The following SMYD3 variants were observed in gnomAD, a reference collection of about 807,000 sequenced individuals.
The protein encoded by SMYD3 is SET and MYND domain containing 3, also known as histone-lysine N-methyltransferase SMYD3.
Under a neutral mutation model 57.7 loss-of-function variants are expected in SMYD3, and 36 were observed. The observed-to-expected ratio is 0.62, with a 90% CI of 0.48 to 0.82. The LOEUF (loss-of-function observed/expected upper bound fraction) is 0.82. Among genes scored for constraint, SMYD3 ranks in the 40% least tolerant of loss-of-function variants. The probability of loss-of-function intolerance (pLI) is 0.00; values close to 1 mark genes in which losing one functional copy is unlikely to be tolerated. For synonymous variants in SMYD3, 211 were observed against 195.0 expected (o/e 1.08, Z -0.68); for missense variants, 515 against 538.8 (o/e 0.96, Z 0.44).
At chr1:246,033,042 A>G (rs760611562) in intron 5 of SMYD3, among the ~76,000 whole-genome samples, 1 of 152,240 alleles carries the variant, frequency 6.6e-6, no homozygotes, top group Non-Finnish European at 1.5e-5. Context: ...AGCAATTTGC[A>G]TTCCTGAGCA....
chr1:245,862,939 T>G, intron 9 of SMYD3, among the ~76,000 whole-genome samples: 1 of 152,334 alleles, frequency 6.6e-6, no homozygotes, highest in South Asian at 2.1e-4. Context: ...TTCAAAATTA[T>G]GTCCTTCACC....
chr1:246,127,023 T>G (rs2061519868), intron 5 of SMYD3, among the ~76,000 whole-genome samples: 1 of 152,184 alleles, frequency 6.6e-6, no homozygotes, highest in African/African-American at 2.4e-5. Flanking sequence ...ACCACTGCTT[T>G]GGATGCACAG....
intron 5 of SMYD3, among the ~76,000 whole-genome samples, chr1:245,957,262 T>TA (rs2057873147): frequency 6.6e-6 from 1 of 152,152 alleles, no homozygotes; most frequent in South Asian, 2.1e-4. Context: ...CCTGACTAGC[T>TA]AAAAAAAGAA....
chr1:246,152,274 G>A (rs2061952587), intron 5 of SMYD3, among the ~76,000 whole-genome samples: 1 of 152,194 alleles, frequency 6.6e-6, no homozygotes, highest in South Asian at 2.1e-4. Flanking sequence ...AGAAGTGGAG[G>A]GAAGAGAGTG....
At chr1:245,949,342 C>T (rs1195717075) in intron 5 of SMYD3, among the ~76,000 whole-genome samples, 8 of 152,156 alleles carry the variant, frequency 5.3e-5, no homozygotes, top group African/African-American at 1.4e-4. Flanking sequence ...AGGACTGGTG[C>T]GCCCGGGGTC....
chr1:246,286,983 GTCTC>G (rs2064582126), intron 5 of SMYD3, among the ~76,000 whole-genome samples: 5 of 151,368 alleles, frequency 3.3e-5, no homozygotes, highest in Middle Eastern at 3.4e-3. Context: ...CAGTTCTCAT[GTCTC>G]AGCCTCCCGA....
intron 5 of SMYD3, among the ~76,000 whole-genome samples, chr1:246,138,273 G>C (rs992360429): frequency 4.6e-5 from 7 of 151,880 alleles, no homozygotes; most frequent in Non-Finnish European, 1.0e-4. Context: ...CACTACTTAT[G>C]AAAGATATTT....
chr1:246,238,311 G>C (rs1016556490), intron 5 of SMYD3, among the ~76,000 whole-genome samples: 1 of 152,150 alleles, frequency 6.6e-6, no homozygotes, highest in African/African-American at 2.4e-5. Context: ...GATTACAGGA[G>C]TGTGCCACCA....
At chr1:246,008,186 A>G (rs2059209908) in intron 5 of SMYD3, among the ~76,000 whole-genome samples, 1 of 152,234 alleles carries the variant, frequency 6.6e-6, no homozygotes, top group Non-Finnish European at 1.5e-5. Flanking sequence ...GAAGGCTGAA[A>G]TAGCCAGAGG....
At chr1:246,163,926 A>G (rs982965823) in intron 5 of SMYD3, among the ~76,000 whole-genome samples, 1 of 152,176 alleles carries the variant, frequency 6.6e-6, no homozygotes, top group African/African-American at 2.4e-5. Flanking sequence ...AATCTCCAAG[A>G]ATGGAAGACC....
At chr1:245,816,745 G>C (rs1416035975) in intron 10 of SMYD3, among the ~76,000 whole-genome samples, 1 of 152,186 alleles carries the variant, frequency 6.6e-6, no homozygotes, top group Non-Finnish European at 1.5e-5. Context: ...GGAAGCGCCA[G>C]GGGTCAGGGA....
chr1:246,222,089 A>G (rs1466552490), intron 5 of SMYD3, among the ~76,000 whole-genome samples: 1 of 152,158 alleles, frequency 6.6e-6, no homozygotes, highest in Non-Finnish European at 1.5e-5. Flanking sequence ...GGAAGGGTGT[A>G]AAACTCATTC....
intron 5 of SMYD3, among the ~76,000 whole-genome samples, chr1:246,299,519 T>C (rs1172137099): frequency 2.0e-5 from 3 of 152,144 alleles, no homozygotes; most frequent in Non-Finnish European, 4.4e-5. Context: ...ATAAATCATT[T>C]ATCATGAAGA....
chr1:245,793,443 G>A (rs894169156), intron 10 of SMYD3, among the ~76,000 whole-genome samples: 1 of 152,046 alleles, frequency 6.6e-6, no homozygotes. Context: ...AATGAAAACC[G>A]TTGTAGCCAC....
intron 5 of SMYD3, among the ~76,000 whole-genome samples, chr1:245,960,337 T>C (rs182210749): frequency 5.7e-4 from 87 of 152,348 alleles, no homozygotes; most frequent in Non-Finnish European, 1.1e-3. Flanking sequence ...TTTGTTATCA[T>C]TGGCTTTCTG....
intron 10 of SMYD3, among the ~76,000 whole-genome samples, chr1:245,791,890 C>T (rs2047286422): frequency 6.6e-6 from 1 of 151,910 alleles, no homozygotes; most frequent in African/African-American, 2.4e-5. Context: ...TCTGGTAGTT[C>T]TCACTGTCAT....
At chr1:246,125,262 C>G (rs531097490) in intron 5 of SMYD3, among the ~76,000 whole-genome samples, 121 of 152,262 alleles carry the variant, frequency 7.9e-4, no homozygotes, top group Admixed American at 1.6e-3. Flanking sequence ...CCTTCACAAA[C>G]CCCTGCATAA....
rs549398366 is a variant in SMYD3 at position 246,284,979 on chromosome 1, T to C, written c.531+42222A>G. Reference sequence around the variant, plus strand: ...CTGCCTTTCCTTTTTTTTTTTTATTTCCATAGGTTTTTGGGGAACAGGTGG... The same window carrying C: ...CTGCCTTTCCTTTTTTTTTTTTATTCCCATAGGTTTTTGGGGAACAGGTGG... On this transcript the variant is annotated intron_variant, in intron 5 of 11. Transcript: ENST00000490107. 2.6e-4 allele frequency among the ~76,000 whole-genome samples: 39 copies of C among 152,068 alleles called. No homozygotes were observed. In the East Asian group the frequency reaches 3.9e-3, roughly 15 times the overall value.
chr1:246,111,275 C>G (rs1170701370), intron 5 of SMYD3: 1 of 152,144 alleles, frequency 6.6e-6, no homozygotes, highest in African/African-American at 2.4e-5. Flanking sequence ...AGTAATCAGT[C>G]TAGCCAGTGC....
Sources: gnomAD v4.1 joint callset for allele counts (sites outside exome capture counted in the v4.1 genomes callset) on GRCh38, gnomAD v4.1.1 for gene constraint, MANE v1.5 for transcripts, NCBI Gene and HGNC (gene_info 2026-07-23, HGNC 2026-07-21) for gene names.